The following ADARB2 variants were observed in gnomAD, a reference collection of about 807,000 sequenced individuals.
The protein encoded by ADARB2 is inactive double-stranded RNA-specific editase B2.
A neutral mutation model predicts 62.2 loss-of-function variants in ADARB2; 25 were observed. That is an observed-to-expected ratio of 0.40 (90% CI 0.29 to 0.56). ADARB2 has a LOEUF of 0.56. Among genes scored for constraint, ADARB2 ranks in the 20% least tolerant of loss-of-function variants. ADARB2 has a pLI of 0.43. For missense variants in ADARB2, 1,071 were observed against 1,077.4 expected, an observed-to-expected ratio of 0.99 and a Z score of 0.08; for synonymous variants, 572 against 500.8, an observed-to-expected ratio of 1.14 and a Z score of -1.90.
chr10:1,672,206 G>A (rs1467388234), intron 1 of ADARB2, among the ~76,000 whole-genome samples: 3 of 152,152 alleles, frequency 2.0e-5, no homozygotes, highest in Non-Finnish European at 4.4e-5. Context: ...CACGGGCACT[G>A]CCAACGCCCC....
chr10:1,694,283 G>A (rs1379304067), intron 1 of ADARB2, among the ~76,000 whole-genome samples: 1 of 152,182 alleles, frequency 6.6e-6, no homozygotes, highest in Non-Finnish European at 1.5e-5. Flanking sequence ...TGAAATTCAT[G>A]CTTAAAATAG....
At chr10:1,314,001 C>A (rs1048433308) in intron 3 of ADARB2, among the ~76,000 whole-genome samples, 23 of 152,226 alleles carry the variant, frequency 1.5e-4, no homozygotes, top group Non-Finnish European at 1.0e-4. Flanking sequence ...TCTCCAGCCT[C>A]CACTCTTGAG....
intron 1 of ADARB2, among the ~76,000 whole-genome samples, chr10:1,731,223 T>C (rs1835228177): frequency 6.6e-6 from 1 of 152,216 alleles, no homozygotes. Context: ...CAGATGGAGA[T>C]TCAGGGCCTA....
chr10:1,438,570 G>T (rs1005482509), intron 1 of ADARB2, among the ~76,000 whole-genome samples: 59 of 113,662 alleles, frequency 5.2e-4, no homozygotes, highest in African/African-American at 1.6e-3. Flanking sequence ...GGCCCTTCAT[G>T]ATGGGGCTCC....
chr10:1,689,465 A>G (rs965524575), intron 1 of ADARB2, among the ~76,000 whole-genome samples: 2 of 152,206 alleles, frequency 1.3e-5, no homozygotes, highest in Non-Finnish European at 2.9e-5. Context: ...CCCAAGTTCA[A>G]TAATGTCTGT....
chr10:1,676,663 T>C (rs1834470152), intron 1 of ADARB2, among the ~76,000 whole-genome samples: 2 of 152,180 alleles, frequency 1.3e-5, no homozygotes, highest in Non-Finnish European at 2.9e-5. Flanking sequence ...TCCCTGTCAT[T>C]TTTATCTCAA....
At chr10:1,567,171 G>T (rs1407245394) in intron 1 of ADARB2, among the ~76,000 whole-genome samples, 3 of 151,428 alleles carry the variant, frequency 2.0e-5, no homozygotes, top group Non-Finnish European at 4.4e-5. Flanking sequence ...GAGGAAGTCT[G>T]TGGGTCCTCC....
At position 1,363,145 on chromosome 10, in the gene ADARB2, C is replaced by G. The variant is rs1432884713; in HGVS notation, c.960G>C (p.Ser320=). The G allele has an allele frequency of 1.3e-6, 2 of 1,547,464 alleles. No homozygotes were observed. Residue 320 remains serine (S), a synonymous_variant, in exon 3 of 10, where the codon TCG becomes TCC. Coordinates refer to ENST00000381312, the MANE Select transcript of ADARB2 (RefSeq NM_018702.4). ...VSVDGRTFEG[S]GRSKKLARGQ... is the part of the protein sequence containing the mutation. ...CCCGGGCCAGCTTCTTGCTGCGCCC[C>G]GAGCCCTCGAACGTCCTGCCGTCCA...
chr10:1,354,890 G>T (rs1404075785), intron 3 of ADARB2, among the ~76,000 whole-genome samples: 1 of 152,222 alleles, frequency 6.6e-6, no homozygotes, highest in Non-Finnish European at 1.5e-5. Context: ...TGCTTACAGA[G>T]CCACCTTCCC....
At chr10:1,494,629 A>T (rs1831665316) in intron 1 of ADARB2, among the ~76,000 whole-genome samples, 1 of 152,146 alleles carries the variant, frequency 6.6e-6, no homozygotes, top group Non-Finnish European at 1.5e-5. Flanking sequence ...TTTTTTTTGA[A>T]GTATGGCAAA....
At chr10:1,513,312 G>A (rs540692830) in intron 1 of ADARB2, among the ~76,000 whole-genome samples, 5 of 152,210 alleles carry the variant, frequency 3.3e-5, no homozygotes, top group African/African-American at 4.8e-5. Context: ...AACTAGAAAC[G>A]CTCCTTGAAG....
chr10:1,220,373 GTGA>G (rs1439245843), intron 6 of ADARB2, among the ~76,000 whole-genome samples: 4 of 144,272 alleles, frequency 2.8e-5, no homozygotes, highest in Non-Finnish European at 6.1e-5. Flanking sequence ...GATGATGATG[GTGA>G]TGGTGGTGGT....
chr10:1,681,696 G>A (rs1176014423), intron 1 of ADARB2, among the ~76,000 whole-genome samples: 2 of 152,274 alleles, frequency 1.3e-5, no homozygotes, highest in South Asian at 2.1e-4. Context: ...CAGAGACCCT[G>A]TGGCTGCACA....
At chr10:1,441,886 G>A (rs1238821453) in intron 1 of ADARB2, among the ~76,000 whole-genome samples, 1 of 152,108 alleles carries the variant, frequency 6.6e-6, no homozygotes, top group African/African-American at 2.4e-5. Context: ...TTATACTGTG[G>A]AAATAAATAT....
chr10:1,533,707 G>C (rs1832279552), intron 1 of ADARB2, among the ~76,000 whole-genome samples: 1 of 152,196 alleles, frequency 6.6e-6, no homozygotes, highest in African/African-American at 2.4e-5. Flanking sequence ...ACCACAGCTA[G>C]AGGTTTGAAA....
chr10:1,357,410 G>A (rs1054681408), intron 3 of ADARB2, among the ~76,000 whole-genome samples: 14 of 152,090 alleles, frequency 9.2e-5, no homozygotes, highest in African/African-American at 1.9e-4. Context: ...CTCTTCCCAC[G>A]GGACCCTCCT....
chr10:1,549,207 A>C (rs1205338370), intron 1 of ADARB2, among the ~76,000 whole-genome samples: 1 of 1,624 alleles, frequency 6.2e-4, no homozygotes, highest in Non-Finnish European at 2.6e-3. Context: ...TGGGGCGTGG[A>C]GCTGGGGGGG....
At chr10:1,536,670 C>T (rs1317871602) in intron 1 of ADARB2, among the ~76,000 whole-genome samples, 3 of 152,138 alleles carry the variant, frequency 2.0e-5, no homozygotes, top group Non-Finnish European at 4.4e-5. Flanking sequence ...AAAATGTTCC[C>T]AAGAAAAATG....
At chr10:1,287,714 A>C (rs1280329879) in intron 3 of ADARB2, among the ~76,000 whole-genome samples, 4 of 152,240 alleles carry the variant, frequency 2.6e-5, no homozygotes, top group Non-Finnish European at 1.5e-5. Context: ...CTCATCAGTG[A>C]AACTGCCTGC....
Sources: allele counts gnomAD v4.1 joint callset (sites outside exome capture counted in the v4.1 genomes callset), GRCh38; gene constraint gnomAD v4.1.1; transcripts MANE v1.5; gene names NCBI Gene and HGNC (gene_info 2026-07-23, HGNC 2026-07-21).